Variants in ESYT1 observed in about 807,000 individuals in gnomAD.
ESYT1 encodes extended synaptotagmin 1.
In ESYT1, 116 loss-of-function variants were observed where a neutral mutation model predicts 154.2. The observed-to-expected ratio is 0.75, with a 90% CI of 0.65 to 0.88. ESYT1 has a LOEUF of 0.88. ESYT1 is among the 40% of genes least tolerant of loss of function. The pLI is 0.00. For missense variants in ESYT1, 1,264 were observed against 1,379.3 expected (o/e 0.92, Z 1.32); for synonymous variants, 500 against 539.9 (o/e 0.93, Z 1.02).
chr12:56,132,591 T>G lies in ESYT1; in HGVS notation c.1155T>G (p.Thr385=). The G allele has an allele frequency of 2.5e-6, 4 of 1,614,068 alleles. No individual in the cohort carries two copies. Among genetic ancestry groups the G allele is most frequent in the Non-Finnish European group, 3.4e-6 (4 of 1,180,006 alleles). Residue 385 remains threonine (T), a synonymous_variant, in exon 9 of 31, where the codon ACT becomes ACG. Transcript: ENST00000394048. The part of the protein sequence containing the change: ...DEELNPQWGE[T]YEVMVHEVPG... The stretch of plus-strand genomic sequence containing the variant: ...AACTCAACCCACAGTGGGGAGAGAC[T>G]TATGAGGTGGGAGAGTTGAGCAGCT...
rs1185244685 is a variant in ESYT1, at chr12:56,131,408, G to A, written c.715-69G>A. 9.9e-6 allele frequency: 16 copies of A among 1,609,844 alleles called. No individual in the cohort carries two copies. The East Asian group carries it at 3.3e-4, about 34-fold the overall frequency. On this transcript the variant is annotated intron_variant, in intron 5 of 30. Coordinates refer to ENST00000394048, the MANE Select transcript of ESYT1 (RefSeq NM_015292.3). ...GTGTGAGGTTGGAAAGACCAAGGCT[G>A]AGAAAGTCTGGGAGGACAGAAGAGG...
At position 56,136,874 on chromosome 12, in the gene ESYT1, A is replaced by C; in HGVS notation, c.1763A>C (p.Tyr588Ser). Residue 588 changes from tyrosine to serine, a missense_variant, in exon 16 of 31, where the codon TAT becomes TCT. Coordinates refer to ENST00000394048, the MANE Select transcript of ESYT1 (RefSeq NM_015292.3). Reference protein sequence around the residue: ...LSSSGPNSRLYMKLVMRILYL... With the variant: ...LSSSGPNSRLSMKLVMRILYL... ...AGCTCTGGTCCAAACTCCAGACTCT[A>C]TATGAAACTAGTCATGAGGGTATGG... is the stretch of plus-strand genomic sequence containing the variant. The C allele has an allele frequency of 6.2e-7, 1 of 1,605,954 alleles. No individual in the cohort carries two copies. The highest frequency in any genetic ancestry group is 8.5e-7 in the Non-Finnish European group (1 of 1,175,024).
chr12:56,137,527 C>G lies in ESYT1; in HGVS notation c.1967C>G (p.Ala656Gly), dbSNP rs1209093846. 1.9e-6 allele frequency: 3 copies of G among 1,613,842 alleles called. No homozygotes were observed. Among genetic ancestry groups the G allele is most frequent in the Non-Finnish European group, 2.5e-6 (3 of 1,179,928 alleles). Residue 656 changes from alanine (A) to glycine (G), a missense_variant, in exon 18 of 31, where the codon GCC (alanine) becomes GGC (glycine). Physicochemically the swap from Ala to Gly is moderately conservative, Grantham distance 60. Coordinates refer to ENST00000394048, the MANE Select transcript of ESYT1 (RefSeq NM_015292.3). Reference protein sequence around the residue: ...EHVLRIHVLEAQDLIAKDRFL... With the variant: ...EHVLRIHVLEGQDLIAKDRFL... ...GTGCTTCGGATCCATGTATTAGAGGCCCAGGACCTGATTGCCAAAGACCGT... is the reference window on the plus strand; with the variant it reads ...GTGCTTCGGATCCATGTATTAGAGGGCCAGGACCTGATTGCCAAAGACCGT...
rs769473046 is a variant in ESYT1, at chr12:56,132,586, G to C, written c.1150G>C (p.Glu384Gln). ...TGAAGAACTCAACCCACAGTGGGGA[G>C]AGACTTATGAGGTGGGAGAGTTGAG... ...IDEELNPQWGETYEVMVHEVP... is the reference protein window; with the variant it reads ...IDEELNPQWGQTYEVMVHEVP... Residue 384 changes from glutamate (E) to glutamine (Q), a missense_variant, in exon 9 of 31, where the codon GAG becomes CAG. By Grantham distance (29) the Glu-to-Gln change is conservative (BLOSUM62 2). Transcript: ENST00000394048. 2.5e-6 allele frequency: 4 copies of C among 1,614,092 alleles called. No homozygotes were observed. In the African/African-American group the frequency reaches 4.0e-5, roughly 16 times the overall value.
rs1870783141 is a variant in ESYT1 at position 56,143,142 on chromosome 12, A to G, written c.3113A>G (p.Asn1038Ser). Residue 1038 changes from asparagine to serine, a missense_variant, in exon 28 of 31, where the codon AAT (asparagine) becomes AGT (serine). Coordinates refer to ENST00000394048, the MANE Select transcript of ESYT1 (RefSeq NM_015292.3). ...AAGAGGACCCTGAGTCCTGAATTTA[A>G]TGAACGGTCAGTCAGTGGGCATTCA... ...QKKRTLSPEF[N>S]ERFEWELPLD... is the part of the protein sequence containing the mutation. 6.2e-7 allele frequency: 1 copy of G among 1,614,042 alleles called. No individual in the cohort carries two copies.
In ESYT1 at chr12:56,132,738, C is replaced by G. The variant is rs1753939909; in HGVS notation, c.1181C>G (p.Pro394Arg). The stretch of plus-strand genomic sequence containing the variant: ...CCCCAGGTGATGGTACACGAGGTCC[C>G]AGGGCAGGAGATTGAAGTGGAGGTG... ...ETYEVMVHEV[P>R]GQEIEVEVFD... Residue 394 changes from proline to arginine, a missense_variant, in exon 10 of 31, where the codon CCA becomes CGA. Physicochemically the swap from Pro to Arg is moderately radical, Grantham distance 103 (BLOSUM62 -2). Transcript: ENST00000394048. 1.9e-6 allele frequency: 3 copies of G among 1,614,036 alleles called. No individual in the cohort carries two copies. The highest frequency in any genetic ancestry group is 1.7e-5 in the Admixed American group (1 of 60,000).
chr12:56,129,027 T>C (rs916328857), intron 1 of ESYT1, among the ~76,000 whole-genome samples: 6 of 152,164 alleles, frequency 3.9e-5, no homozygotes, highest in African/African-American at 1.4e-4. Context: ...AGCCAAGCCA[T>C]CTTGAACGTC....
intron 10 of ESYT1, 107 bp from the exon 11 acceptor site, chr12:56,133,310 A>T (rs771332377): frequency 1.7e-4 from 202 of 1,189,190 alleles, no homozygotes; most frequent in Non-Finnish European, 2.5e-4. Context: ...GGAGTCTGAG[A>T]TCTGCCAGTC....
rs1870742988 is a variant in ESYT1 at position 56,142,517 on chromosome 12, G to A, written c.2734-61G>A. 1.1e-5 allele frequency: 17 copies of A among 1,611,480 alleles called. No homozygotes were observed. Among genetic ancestry groups the A allele is most frequent in the South Asian group, 8.8e-5 (8 of 90,884 alleles). ...CCCAGGAGGGTGGGAACAGAGGGCC[G>A]TGTCCTTAGAGTGAGGGAACTGAGA... On this transcript the variant is annotated intron_variant, in intron 25 of 30. Transcript: ENST00000394048. This position sits in a 1 kb window ranked among gnomAD's most constrained non-coding sequence, Gnocchi z 4.1.
intron 7 of ESYT1, 127 bp from the exon 8 acceptor site, chr12:56,132,082 A>C: frequency 7.0e-7 from 1 of 1,435,424 alleles, no homozygotes; most frequent in Non-Finnish European, 9.7e-7. Flanking sequence ...GAAGAGTAGC[A>C]CAAAGGATTT....
At chr12:56,143,202 G>T (rs780935562) in intron 28 of ESYT1, 26 bp from the exon 29 acceptor site, 1 of 1,614,132 alleles carries the variant, frequency 6.2e-7, no homozygotes, top group African/African-American at 1.3e-5. Flanking sequence ...AGGACTCCTG[G>T]CCCCTAACAT....
At position 56,137,345 on chromosome 12, in the gene ESYT1, C is replaced by T. The variant is rs747079262; in HGVS notation, c.1910C>T (p.Thr637Met). Residue 637 changes from threonine to methionine, a missense_variant, in exon 17 of 31, where the codon ACG becomes ATG. By Grantham distance (81) the Thr-to-Met change is moderately conservative. Coordinates refer to ENST00000394048, the MANE Select transcript of ESYT1 (RefSeq NM_015292.3). ...GATGCCCCACCTCGACCCTGTCACA[C>T]GACTCCTGATAGCCAGTTTGGGACT... ...SVDAPPRPCHTTPDSQFGTEH... is the reference protein window; with the variant it reads ...SVDAPPRPCHMTPDSQFGTEH... 18 of 1,614,046 alleles carry T rather than the reference C, an allele frequency of 1.1e-5. No homozygotes were observed. Among genetic ancestry groups the T allele is most frequent in the South Asian group, 4.4e-5 (4 of 91,084 alleles).
chr12:56,142,832 C>T lies in ESYT1; in HGVS notation c.2889-3C>T. 1 of 1,614,152 alleles carries T rather than the reference C, an allele frequency of 6.2e-7. No individual in the cohort carries two copies. Among genetic ancestry groups the T allele is most frequent in the Non-Finnish European group, 8.5e-7 (1 of 1,180,004 alleles). ...CCCCAGACCTACTGATATTTCTCCA[C>T]AGTCCCCTTGAGGCTCCAGCCGGGC... On this transcript the variant is annotated splice_polypyrimidine_tract_variant and splice_region_variant and intron_variant, in intron 26 of 30. Coordinates refer to ENST00000394048, the MANE Select transcript of ESYT1 (RefSeq NM_015292.3). This position sits in a 1 kb window ranked among gnomAD's most constrained non-coding sequence, Gnocchi z 4.1.
At chr12:56,132,858 T>C (rs573497834) in intron 10 of ESYT1, 57 bp downstream of exon 10, 11 of 1,493,116 alleles carry the variant, frequency 7.4e-6, no homozygotes, top group Admixed American at 6.8e-5. Context: ...CGGTGGCTCA[T>C]GCCTGTAATC....
rs1870564948 is a variant in ESYT1 at position 56,138,668 on chromosome 12, G to C, written c.2434-100G>C. The C allele has an allele frequency of 8.1e-6, 11 of 1,354,294 alleles. No homozygotes were observed. The South Asian group carries it at 1.3e-4, about 16-fold the overall frequency. 83.9% of individuals were successfully genotyped at this position (1,354,294 alleles called of 1,614,324 possible). On this transcript the variant is annotated intron_variant, in intron 22 of 30. Coordinates refer to ENST00000394048, the MANE Select transcript of ESYT1 (RefSeq NM_015292.3). Reference sequence around the variant, plus strand: ...CAAGGCCACGGGTAGTGGCTGCCAAGTAATAATGGAGACATGGCTGCTGGC... The same window carrying C: ...CAAGGCCACGGGTAGTGGCTGCCAACTAATAATGGAGACATGGCTGCTGGC...
chr12:56,143,403 GAGGA>G, intron 29 of ESYT1, 70 bp downstream of exon 29: 1 of 1,541,462 alleles, frequency 6.5e-7, no homozygotes, highest in Non-Finnish European at 8.9e-7. Context: ...TAGTCCCTGT[GAGGA>G]AGGAAGTACC....
chr12:56,139,077 C>A, intron 24 of ESYT1, 64 bp downstream of exon 24: 2 of 1,242,872 alleles, frequency 1.6e-6, no homozygotes, highest in Non-Finnish European at 2.4e-6. Flanking sequence ...GGAAACCAGG[C>A]ACAGAGCATT....
chr12:56,133,469 A>G lies in ESYT1; in HGVS notation c.1293+4A>G, dbSNP rs765247545. The G allele has an allele frequency of 2.5e-6, 4 of 1,614,184 alleles. No homozygotes were observed. The highest frequency in any genetic ancestry group is 3.4e-6 in the Non-Finnish European group (4 of 1,180,042). ...ACAGGCTAGCGTTCTGGATGATGTA[A>G]GTTGGGAGAAGAGGAAGGTGGGGGC... On this transcript the variant is annotated splice_donor_region_variant and intron_variant, in intron 11 of 30. Coordinates refer to ENST00000394048, the MANE Select transcript of ESYT1 (RefSeq NM_015292.3).
Position 56,133,431 on chromosome 12 carries a change from T to C in ESYT1, c.1259T>C (p.Val420Ala), listed in dbSNP as rs1399393194. ...CCAACCCTCAGAATGAAGCTGGATGTAGGGAAGGTGTTACAGGCTAGCGTT... is the reference window on the plus strand; with the variant it reads ...CCAACCCTCAGAATGAAGCTGGATGCAGGGAAGGTGTTACAGGCTAGCGTT... ...DDFLGRMKLDVGKVLQASVLD... is the reference protein window; with the variant it reads ...DDFLGRMKLDAGKVLQASVLD... The change falls in exon 11 of 31, where the codon GTA becomes GCA. Residue 420 changes from valine (V) to alanine (A), a missense_variant. By Grantham distance (64) the Val-to-Ala change is moderately conservative. Coordinates refer to ENST00000394048, the MANE Select transcript of ESYT1 (RefSeq NM_015292.3). 1.2e-6 allele frequency: 2 copies of C among 1,614,024 alleles called. No individual in the cohort carries two copies. The highest frequency in any genetic ancestry group is 1.3e-5 in the African/African-American group (1 of 74,902).
Sources: allele counts gnomAD v4.1 joint callset (sites outside exome capture counted in the v4.1 genomes callset), GRCh38; gene constraint gnomAD v4.1.1; non-coding constraint Gnocchi (gnomAD v3.1); transcripts MANE v1.5; gene names NCBI Gene and HGNC (gene_info 2026-07-23, HGNC 2026-07-21).